IST1: variants seen among roughly 807,000 people sequenced by gnomAD.
IST1 encodes IST1 factor associated with ESCRT-III.
IST1 carries 23 observed loss-of-function variants against 37.0 expected under a neutral mutation model. The observed-to-expected ratio is 0.62, with a 90% CI of 0.45 to 0.88. The LOEUF is 0.88. Among genes scored for constraint, IST1 ranks in the 40% least tolerant of loss-of-function variants. IST1 has a pLI of 0.00. For missense variants in IST1, 488 were observed against 445.4 expected (o/e 1.10, Z -0.86); for synonymous variants, 180 against 161.7 (o/e 1.11, Z -0.86).
intron 1 of IST1, among the ~76,000 whole-genome samples, chr16:71,905,628 C>T (rs1313384320): frequency 6.6e-6 from 1 of 152,182 alleles, no homozygotes; most frequent in Non-Finnish European, 1.5e-5. Flanking sequence ...GATCCACCTG[C>T]CTTGGCCTTC....
chr16:71,920,908 T>A, intron 5 of IST1, 86 bp downstream of exon 5: 3 of 921,830 alleles, frequency 3.3e-6, no homozygotes, highest in Non-Finnish European at 5.4e-6. Flanking sequence ...GGTACCACTG[T>A]ATTGCTCAGT....
At chr16:71,915,763 C>A in intron 2 of IST1, 35 bp downstream of exon 2, 3 of 1,296,820 alleles carry the variant, frequency 2.3e-6, no homozygotes, top group South Asian at 2.4e-5. Context: ...AAAAATAAAT[C>A]ACTGGATACT....
chr16:71,927,911 AC>A lies in IST1; in HGVS notation c.*100del, dbSNP rs1189151654. ...CCATGAAATTCTGTTTCATCTGTTA[AC>A]CGTCACTCAGCACAACACTCCCTCT... On this transcript the variant is annotated 3_prime_UTR_variant, in exon 10 of 10. Transcript: ENST00000378799. The A allele has an allele frequency of 7.0e-6, 6 of 862,122 alleles. No homozygotes were observed. 53.4% of individuals were successfully genotyped at this position (862,122 alleles called of 1,614,324 possible).
intron 3 of IST1, 139 bp from the exon 4 acceptor site, chr16:71,916,908 G>A: frequency 1.6e-6 from 1 of 616,720 alleles, no homozygotes; most frequent in Non-Finnish European, 2.7e-6. Flanking sequence ...TCACGAAAAT[G>A]GCTAGAAGCC....
upstream of IST1, chr16:71,894,708 T>G: frequency 1.8e-6 from 1 of 565,364 alleles, no homozygotes; most frequent in Non-Finnish European, 3.0e-6. Context: ...CTTTTTTTTT[T>G]TTTTTTTTGT....
At chr16:71,915,473 A>T in intron 1 of IST1, 153 bp from the exon 2 acceptor site, 1 of 560,254 alleles carries the variant, frequency 1.8e-6, no homozygotes, top group Non-Finnish European at 3.1e-6. Context: ...TACAACAGCC[A>T]AAACAATCTG....
intron 9 of IST1, among the ~76,000 whole-genome samples, chr16:71,925,203 C>A (rs941444973): frequency 2.0e-5 from 3 of 151,536 alleles, no homozygotes; most frequent in African/African-American, 7.3e-5. Context: ...TTAGTAGAGA[C>A]GGGGTTTCAC....
At chr16:71,921,908 C>T in intron 6 of IST1, 1 of 185,642 alleles carries the variant, frequency 5.4e-6, no homozygotes, top group Non-Finnish European at 1.1e-5. Flanking sequence ...GAGGCCGAGG[C>T]AGGCGGATCA....
At chr16:71,909,125 G>A (rs1226408124) in intron 1 of IST1, among the ~76,000 whole-genome samples, 1 of 129,886 alleles carries the variant, frequency 7.7e-6, no homozygotes, top group African/African-American at 2.7e-5. Context: ...TGGATACAGG[G>A]TCTCACTCTG....
chr16:71,915,453 C>A (rs1404435883), intron 1 of IST1, 173 bp from the exon 2 acceptor site: 1 of 530,472 alleles, frequency 1.9e-6, no homozygotes, highest in East Asian at 3.3e-5. Context: ...CTTCCCCAAT[C>A]AGTTTTTTTT....
chr16:71,910,672 C>G (rs2037334224), intron 1 of IST1, among the ~76,000 whole-genome samples: 1 of 151,904 alleles, frequency 6.6e-6, no homozygotes, highest in Admixed American at 6.6e-5. Flanking sequence ...TCTGCGATTT[C>G]AGGCATCCAC....
chr16:71,928,503 T>C lies in IST1; in HGVS notation c.*690T>C, dbSNP rs1169518098. The C allele has an allele frequency of 6.5e-6, 1 of 152,718 alleles. No individual in the cohort carries two copies. The highest frequency in any genetic ancestry group is 1.5e-5 in the Non-Finnish European group (1 of 68,122). 9.5% of individuals were successfully genotyped at this position (152,718 alleles called of 1,614,324 possible). A position where few individuals can be genotyped will look rare whatever the true frequency, so the allele number is the denominator to read the frequency against. ...TGTGGCCTTTTGCTTTGCGTGCTGT[T>C]TCCCTTGTACCAGAGGGCGGCACCG... is the stretch of plus-strand genomic sequence containing the variant. On this transcript the variant is annotated 3_prime_UTR_variant, in exon 10 of 10. Transcript: ENST00000378799.
chr16:71,909,679 G>T (rs1361327276), intron 1 of IST1, among the ~76,000 whole-genome samples: 1 of 152,190 alleles, frequency 6.6e-6, no homozygotes, highest in Admixed American at 6.5e-5. Context: ...AGTCTGGCAG[G>T]TATAATCTTA....
At position 71,928,025 on chromosome 16, in the gene IST1, A is replaced by G. The variant is rs865860324; in HGVS notation, c.*212A>G. ...ACAATTGGAGACTGAGGCCAGAGCA[A>G]CTGGCTCCTGGCAGCTGTGCTTGTC... On this transcript the variant is annotated 3_prime_UTR_variant, in exon 10 of 10. Transcript: ENST00000378799. 63 of 534,416 alleles carry G rather than the reference A, an allele frequency of 1.2e-4. No individual in the cohort carries two copies. The Middle Eastern group carries it at 3.2e-3, about 27-fold the overall frequency. 33.1% of individuals were successfully genotyped at this position (534,416 alleles called of 1,614,324 possible).
chr16:71,923,675 C>A (rs961796596), intron 8 of IST1, among the ~76,000 whole-genome samples: 2 of 152,050 alleles, frequency 1.3e-5, no homozygotes, highest in East Asian at 3.9e-4. Flanking sequence ...TTGTTTTGAC[C>A]GACTAGGCAG....
chr16:71,928,648 C>CT lies in IST1; in HGVS notation c.*839dup, dbSNP rs1342182446. 2 of 152,628 alleles carry CT rather than the reference C, an allele frequency of 1.3e-5. No individual in the cohort carries two copies. The highest frequency in any genetic ancestry group is 4.8e-5 in the African/African-American group (2 of 41,454). The allele number at this position is 152,628 out of a possible 1,614,324, so 9.5% of individuals were successfully genotyped here. A position where few individuals can be genotyped will look rare whatever the true frequency, so the allele number is the denominator to read the frequency against. ...GCTGCCTTAATAGAAGTACTCAAGT[C>CT]TTTTGGGTAGTGAGCTGGAAAGCCT... On this transcript the variant is annotated 3_prime_UTR_variant, in exon 10 of 10. Transcript: ENST00000378799.
intron 1 of IST1, among the ~76,000 whole-genome samples, chr16:71,910,140 G>A (rs2037317991): frequency 6.6e-6 from 1 of 152,078 alleles, no homozygotes; most frequent in Non-Finnish European, 1.5e-5. Context: ...TAAAATTGCA[G>A]GAATAAACAG....
intron 1 of IST1, 94 bp from the exon 2 acceptor site, chr16:71,915,530 ACT>A: frequency 1.4e-6 from 1 of 725,086 alleles, no homozygotes; most frequent in Non-Finnish European, 2.3e-6. Flanking sequence ...TTAGAAAAAC[ACT>A]CTGTTTTTGT....
At chr16:71,923,402 A>C in intron 8 of IST1, 22 bp downstream of exon 8, 1 of 1,464,204 alleles carries the variant, frequency 6.8e-7, no homozygotes, top group South Asian at 1.1e-5. Flanking sequence ...AGCCTCTTTT[A>C]TAAGCAACAG....
Sources: allele counts gnomAD v4.1 joint callset (sites outside exome capture counted in the v4.1 genomes callset), GRCh38; gene constraint gnomAD v4.1.1; transcripts MANE v1.5; gene names NCBI Gene and HGNC (gene_info 2026-07-23, HGNC 2026-07-21).